The following SIGLEC9 variants were observed in gnomAD, a reference collection of about 807,000 sequenced individuals.
SIGLEC9 encodes sialic acid-binding Ig-like lectin 9.
A neutral mutation model predicts 38.3 loss-of-function variants in SIGLEC9; 26 were observed. The ratio of observed to expected loss-of-function variants is 0.68; its 90% confidence interval spans 0.50 to 0.94. The LOEUF (loss-of-function observed/expected upper bound fraction) is 0.94, where lower values mean the gene tolerates loss of function less well. SIGLEC9 is among the 40% of genes least tolerant of loss of function. SIGLEC9 has a pLI of 0.00. For synonymous variants in SIGLEC9, 236 were observed against 248.0 expected (o/e 0.95, Z 0.45); for missense variants, 556 against 585.7 (o/e 0.95, Z 0.52).
chr19:51,129,366 A>T (rs560002964), intron 6 of SIGLEC9, among the ~76,000 whole-genome samples: 3 of 151,410 alleles, frequency 2.0e-5, no homozygotes, highest in South Asian at 2.1e-4. Flanking sequence ...TCACTGTGTT[A>T]GCCAGGATGG....
rs1396738331 is a variant in SIGLEC9 at position 51,125,333 on chromosome 19, G to C, written c.359G>C (p.Arg120Pro). 1 of 1,611,454 alleles carries C rather than the reference G, an allele frequency of 6.2e-7. No homozygotes were observed. Residue 120 changes from arginine to proline, a missense_variant, in exon 1 of 7, where the codon CGT becomes CCT. By Grantham distance (103) the Arg-to-Pro change is moderately radical. Coordinates refer to ENST00000250360, the MANE Select transcript of SIGLEC9 (RefSeq NM_014441.3). ...AGTGATGCGGGGAGATACTTCTTTC[G>C]TATGGAGAAAGGAAGTATAAAATGG... ...RRSDAGRYFF[R>P]MEKGSIKWNY...
chr19:51,120,178 G>A, upstream of SIGLEC9: 1 of 152,848 alleles, frequency 6.5e-6, no homozygotes. The surrounding 1 kb of genome is among the most constrained non-coding windows in gnomAD (Gnocchi z 4.1). Flanking sequence ...AAGAACCAGG[G>A]CCAGTTCACC....
chr19:51,125,114 C>CGCATGG lies in SIGLEC9; in HGVS notation c.141_146dup (p.His48_Gly49dup). The CGCATGG allele has an allele frequency of 6.2e-7, 1 of 1,614,058 alleles. No individual in the cohort carries two copies. On this transcript the variant is annotated inframe_insertion, in exon 1 of 7. Transcript: ENST00000250360. ...GTGCCCTGCTCCTTCTCCTACCCCT[C>CGCATGG]GCATGGCTGGATTTACCCTGGCCCA...
chr19:51,130,788 C>T (rs2092010944), downstream of SIGLEC9, among the ~76,000 whole-genome samples: 1 of 152,218 alleles, frequency 6.6e-6, no homozygotes, highest in South Asian at 2.1e-4. Context: ...CGTGACATCA[C>T]TCTCCCACTT....
Position 51,130,291 on chromosome 19 carries a change from AAAAG to A in SIGLEC9, c.*214_*217del. On this transcript the variant is annotated 3_prime_UTR_variant, in exon 7 of 7. Transcript: ENST00000250360. ...TGCCCTCCCTTTTATTTTTTTAACT[AAAAG>A]ACAGACAAATTCCTACCTCTCTGTA... The A allele has an allele frequency of 1.0e-6, 1 of 979,936 alleles. No individual in the cohort carries two copies. Among genetic ancestry groups the A allele is most frequent in the Non-Finnish European group, 1.3e-6 (1 of 741,718 alleles). 60.7% of individuals were successfully genotyped at this position (979,936 alleles called of 1,614,324 possible).
upstream of SIGLEC9, among the ~76,000 whole-genome samples, chr19:51,124,523 G>A (rs570515699): frequency 4.6e-5 from 7 of 152,226 alleles, no homozygotes; most frequent in South Asian, 1.0e-3. Context: ...GGGGATGAGA[G>A]GCTGCCTGCT....
At chr19:51,129,332 TG>T (rs1345318765) in intron 6 of SIGLEC9, among the ~76,000 whole-genome samples, 2 of 150,960 alleles carry the variant, frequency 1.3e-5, no homozygotes, top group Non-Finnish European at 3.0e-5. Flanking sequence ...CTAATTTTTT[TG>T]TATTTTTAGT....
chr19:51,126,033 GT>G, intron 2 of SIGLEC9, 47 bp from the exon 3 acceptor site: 1 of 1,603,998 alleles, frequency 6.2e-7, no homozygotes, highest in Non-Finnish European at 8.5e-7. Flanking sequence ...CAGGGCCAGT[GT>G]CCCCAGCCCT....
upstream of SIGLEC9, among the ~76,000 whole-genome samples, chr19:51,123,152 T>G (rs2091954026): frequency 6.6e-6 from 1 of 152,108 alleles, no homozygotes; most frequent in Non-Finnish European, 1.5e-5. Context: ...CAGGGGGCCA[T>G]CCTGGGCACT....
At chr19:51,123,849 T>C (rs1178526311), upstream of SIGLEC9, among the ~76,000 whole-genome samples, 1 of 152,192 alleles carries the variant, frequency 6.6e-6, no homozygotes. Context: ...ATACTCCCAG[T>C]TCCTCCCAGC....
chr19:51,134,446 T>G (rs774690438), downstream of SIGLEC9, among the ~76,000 whole-genome samples: 1 of 152,170 alleles, frequency 6.6e-6, no homozygotes, highest in Non-Finnish European at 1.5e-5. Context: ...CGTGAGCCAC[T>G]GCGCCCAGCC....
chr19:51,124,744 T>C (rs539087326), upstream of SIGLEC9, among the ~76,000 whole-genome samples: 192 of 152,130 alleles, frequency 1.3e-3, 1 homozygote, highest in Middle Eastern at 6.3e-3. Flanking sequence ...TCTCCCGCTC[T>C]GGCCTCAGGG....
chr19:51,130,187 G>A lies in SIGLEC9; in HGVS notation c.*108G>A. 1.4e-6 allele frequency: 2 copies of A among 1,467,556 alleles called. No individual in the cohort carries two copies. The highest frequency in any genetic ancestry group is 1.4e-5 in the African/African-American group (1 of 70,670). 90.9% of individuals were successfully genotyped at this position (1,467,556 alleles called of 1,614,324 possible). On this transcript the variant is annotated 3_prime_UTR_variant, in exon 7 of 7. Coordinates refer to ENST00000250360, the MANE Select transcript of SIGLEC9 (RefSeq NM_014441.3). ...AACAGCCCTCAACGTGATGAGCTATGATAACACTATGAATTATGTGCAGAG... is the reference window on the plus strand; with the variant it reads ...AACAGCCCTCAACGTGATGAGCTATAATAACACTATGAATTATGTGCAGAG...
intron 1 of SIGLEC9, 42 bp downstream of exon 1, chr19:51,125,437 G>A: frequency 6.4e-7 from 1 of 1,554,728 alleles, no homozygotes. Context: ...GAAAGGTCAT[G>A]GGGGCGGCAG....
chr19:51,125,558 A>C, intron 1 of SIGLEC9, 39 bp from the exon 2 acceptor site: 1 of 1,603,656 alleles, frequency 6.2e-7, no homozygotes, highest in Non-Finnish European at 8.5e-7. Flanking sequence ...TGCACCATGG[A>C]TCCTCTGACC....
At chr19:51,125,443 G>C in intron 1 of SIGLEC9, 48 bp downstream of exon 1, 2 of 1,552,650 alleles carry the variant, frequency 1.3e-6, no homozygotes. Context: ...TCATGGGGGC[G>C]GCAGGGAAAG....
chr19:51,126,331 C>G (rs531187238), intron 3 of SIGLEC9, among the ~76,000 whole-genome samples: 2 of 151,998 alleles, frequency 1.3e-5, no homozygotes, highest in Non-Finnish European at 2.9e-5. Context: ...CACACCCCCC[C>G]CTCAGCCTCA....
At position 51,128,571 on chromosome 19, in the gene SIGLEC9, C is replaced by G; in HGVS notation, c.1203+61C>G. ...CCTGGACACCTCCCACAGGATGACC[C>G]CCAGGACTAATCAGCTGGGCGTAGC... is the stretch of plus-strand genomic sequence containing the variant. On this transcript the variant is annotated intron_variant, in intron 6 of 6. Transcript: ENST00000250360. 3 of 1,488,444 alleles carry G rather than the reference C, an allele frequency of 2.0e-6. No individual in the cohort carries two copies. In the South Asian group the frequency reaches 3.4e-5, roughly 17 times the overall value. The allele number at this position is 1,488,444 out of a possible 1,614,324, so 92.2% of individuals were successfully genotyped here.
At chr19:51,124,489 G>A (rs981361841), upstream of SIGLEC9, among the ~76,000 whole-genome samples, 1 of 152,046 alleles carries the variant, frequency 6.6e-6, no homozygotes, top group Non-Finnish European at 1.5e-5. Context: ...CAGAAAGGGG[G>A]TGCCCACCTC....
Sources: allele counts gnomAD v4.1 joint callset (sites outside exome capture counted in the v4.1 genomes callset), GRCh38; gene constraint gnomAD v4.1.1; non-coding constraint Gnocchi (gnomAD v3.1); transcripts MANE v1.5; gene names NCBI Gene and HGNC (gene_info 2026-07-23, HGNC 2026-07-21).